EHF: variants seen among roughly 807,000 people sequenced by gnomAD.
EHF encodes ESE3 transcription factor.
Under a neutral mutation model 45.1 loss-of-function variants are expected in EHF, and 14 were observed. The observed-to-expected ratio is 0.31, with a 90% CI of 0.21 to 0.49. EHF has a LOEUF of 0.49. Ranked by LOEUF, EHF falls within the 20% of genes least tolerant of loss-of-function variation. The pLI, the probability that EHF is intolerant of heterozygous loss-of-function variation, is 0.99. For synonymous variants in EHF, 136 were observed against 131.8 expected (o/e 1.03, Z -0.22); for missense variants, 282 against 371.4 (o/e 0.76, Z 1.98).
At chr11:34,640,538 C>T (rs1055348690) in intron 1 of EHF, among the ~76,000 whole-genome samples, 2 of 152,148 alleles carry the variant, frequency 1.3e-5, no homozygotes, top group African/African-American at 2.4e-5. Flanking sequence ...GACACTGGGC[C>T]CTGGGCCCCC....
rs148482039 is a variant in EHF, at chr11:34,632,947, T to C, written c.-3-9681T>C. On this transcript the variant is annotated intron_variant, in intron 1 of 8. Coordinates refer to ENST00000257831, the MANE Select transcript of EHF (RefSeq NM_012153.6). ...TAATGGCCGGATAAGCATTTCTTGG[T>C]AATAGTTTCTTTCTGCTGAAAGCTG... Among the ~76,000 whole-genome samples the C allele has an allele frequency of 4.6e-5, 7 of 152,316 alleles. No individual in the cohort carries two copies. The East Asian group carries it at 1.3e-3, about 29-fold the overall frequency.
chr11:34,653,285 T>A (rs954564304), intron 6 of EHF, among the ~76,000 whole-genome samples: 3 of 152,280 alleles, frequency 2.0e-5, no homozygotes, highest in Admixed American at 1.3e-4. Flanking sequence ...TAGTAGGTCT[T>A]GAGGCACCCG....
At chr11:34,650,787 G>A (rs1855077612) in intron 4 of EHF, among the ~76,000 whole-genome samples, 1 of 152,178 alleles carries the variant, frequency 6.6e-6, no homozygotes, top group Non-Finnish European at 1.5e-5. Context: ...TCTGAAATCT[G>A]AAGAGTCAGT....
intron 6 of EHF, among the ~76,000 whole-genome samples, chr11:34,653,744 C>T (rs1052877218): frequency 6.6e-6 from 1 of 152,172 alleles, no homozygotes; most frequent in Non-Finnish European, 1.5e-5. Context: ...AAGCAGAACC[C>T]CGGAAAAACC....
At chr11:34,647,767 T>C (rs979283244) in intron 3 of EHF, among the ~76,000 whole-genome samples, 7 of 152,340 alleles carry the variant, frequency 4.6e-5, no homozygotes, top group African/African-American at 1.4e-4. Flanking sequence ...TTTTAGATGA[T>C]GTCATTCAGC....
At chr11:34,643,893 A>G (rs1342112234) in intron 2 of EHF, among the ~76,000 whole-genome samples, 2 of 152,230 alleles carry the variant, frequency 1.3e-5, no homozygotes, top group Admixed American at 6.5e-5. Context: ...TTCAGCAGGA[A>G]GTAGAACTGG....
chr11:34,637,640 T>A (rs147560655), intron 1 of EHF, among the ~76,000 whole-genome samples: 2 of 152,324 alleles, frequency 1.3e-5, no homozygotes, highest in East Asian at 1.9e-4. Flanking sequence ...CCTGGCATGT[T>A]GTACTTGCCA....
At chr11:34,629,938 C>T (rs555846866) in intron 1 of EHF, among the ~76,000 whole-genome samples, 1 of 152,150 alleles carries the variant, frequency 6.6e-6, no homozygotes, top group South Asian at 2.1e-4. Flanking sequence ...CCAGTCCTAA[C>T]CCCTGAGTCA....
intron 1 of EHF, chr11:34,622,449 A>G: frequency 7.9e-7 from 1 of 1,264,456 alleles, no homozygotes; most frequent in Non-Finnish European, 1.0e-6. Context: ...TCAATGTGTA[A>G]AAGGGCAATT....
Position 34,661,999 on chromosome 11 carries a change from G to A in EHF, c.*3068G>A, listed in dbSNP as rs537463107. Among the ~76,000 whole-genome samples the A allele has an allele frequency of 7.9e-5, 12 of 152,210 alleles. No individual in the cohort carries two copies. In the South Asian group the frequency reaches 1.7e-3, roughly 21 times the overall value. On this transcript the variant is annotated 3_prime_UTR_variant, in exon 9 of 9. Coordinates refer to ENST00000257831, the MANE Select transcript of EHF (RefSeq NM_012153.6). Reference sequence around the variant, plus strand: ...CCAGGGGCATAAGCAACAGTTTCTTGAATGTGCCATCTGAGAAGGGAGACC... The same window carrying A: ...CCAGGGGCATAAGCAACAGTTTCTTAAATGTGCCATCTGAGAAGGGAGACC...
chr11:34,654,086 T>A (rs1246963165), intron 6 of EHF, among the ~76,000 whole-genome samples: 6 of 152,188 alleles, frequency 3.9e-5, no homozygotes, highest in Non-Finnish European at 5.9e-5. Flanking sequence ...AATTTGTATA[T>A]CCCGTAAAGA....
intron 1 of EHF, among the ~76,000 whole-genome samples, chr11:34,636,450 A>G (rs932581652): frequency 6.6e-6 from 1 of 152,224 alleles, no homozygotes; most frequent in Non-Finnish European, 1.5e-5. Context: ...AGTGCCAGCC[A>G]ACACAGTTTA....
At chr11:34,648,542 T>A (rs1486044010) in intron 3 of EHF, among the ~76,000 whole-genome samples, 1 of 152,188 alleles carries the variant, frequency 6.6e-6, no homozygotes, top group African/African-American at 2.4e-5. Context: ...GATTAGATTT[T>A]AAATCAAAGA....
At position 34,659,120 on chromosome 11, in the gene EHF, G is replaced by C; in HGVS notation, c.*189G>C. The C allele has an allele frequency of 1.9e-6, 1 of 534,552 alleles. No homozygotes were observed. The highest frequency in any genetic ancestry group is 3.3e-6 in the Non-Finnish European group (1 of 305,668). 33.1% of individuals were successfully genotyped at this position (534,552 alleles called of 1,614,324 possible). A position where few individuals can be genotyped will look rare whatever the true frequency, so the allele number is the denominator to read the frequency against. Reference sequence around the variant, plus strand: ...AAAAAAATTATTTTGTTACTTCGAAGTATGTCCTATATGGGGAAAAAACGT... The same window carrying C: ...AAAAAAATTATTTTGTTACTTCGAACTATGTCCTATATGGGGAAAAAACGT... On this transcript the variant is annotated 3_prime_UTR_variant, in exon 9 of 9. Coordinates refer to ENST00000257831, the MANE Select transcript of EHF (RefSeq NM_012153.6).
Position 34,660,201 on chromosome 11 carries a change from A to T in EHF, c.*1270A>T, listed in dbSNP as rs1855998250. On this transcript the variant is annotated 3_prime_UTR_variant, in exon 9 of 9. Coordinates refer to ENST00000257831, the MANE Select transcript of EHF (RefSeq NM_012153.6). Reference sequence around the variant, plus strand: ...CCCCAGATGAGAGCCAATGTCAGATAAAGTAAGCATAGTAATGTAGCAGGA... The same window carrying T: ...CCCCAGATGAGAGCCAATGTCAGATTAAGTAAGCATAGTAATGTAGCAGGA... 1 of 152,198 alleles carries T rather than the reference A, an allele frequency of 6.6e-6. No individual in the cohort carries two copies. Among genetic ancestry groups the T allele is most frequent in the African/African-American group, 2.4e-5 (1 of 41,454 alleles). 9.4% of individuals were successfully genotyped at this position (152,198 alleles called of 1,614,324 possible).
At chr11:34,621,712 A>G (rs2133951068) in intron 1 of EHF, among the ~76,000 whole-genome samples, 1 of 152,306 alleles carries the variant, frequency 6.6e-6, no homozygotes, top group South Asian at 2.1e-4. Flanking sequence ...TGTTTTTAAT[A>G]TGTTCCAGGA....
chr11:34,642,852 T>G (rs1012404849), intron 2 of EHF, 125 bp downstream of exon 2: 12 of 724,224 alleles, frequency 1.7e-5, no homozygotes, highest in Non-Finnish European at 2.8e-5. Flanking sequence ...CAAGAAGGAA[T>G]GGAGAAAACT....
At chr11:34,647,031 A>T in intron 3 of EHF, 1 of 319,592 alleles carries the variant, frequency 3.1e-6, no homozygotes, top group Non-Finnish European at 5.7e-6. Context: ...TGTTAAAAAG[A>T]TCATCATGGT....
intron 1 of EHF, chr11:34,624,343 G>A (rs973706817): frequency 2.0e-6 from 2 of 985,214 alleles, no homozygotes; most frequent in African/African-American, 3.5e-5. Flanking sequence ...GGCGGGGATT[G>A]CCATCTGAAG....
Sources: allele counts gnomAD v4.1 joint callset (sites outside exome capture counted in the v4.1 genomes callset), GRCh38; gene constraint gnomAD v4.1.1; transcripts MANE v1.5; gene names NCBI Gene and HGNC (gene_info 2026-07-23, HGNC 2026-07-21).